Variants in CCR3 observed in about 807,000 individuals in gnomAD.
CCR3 encodes the protein C-C chemokine receptor type 3.
For synonymous variants in CCR3, 203 were observed against 179.2 expected (o/e 1.13, Z -1.06); for missense variants, 419 against 437.5 (o/e 0.96, Z 0.38).
At chr3:46,258,065 C>T (rs1700461244) in intron 1 of CCR3, among the ~76,000 whole-genome samples, 1 of 152,190 alleles carries the variant, frequency 6.6e-6, no homozygotes, top group Non-Finnish European at 1.5e-5. Flanking sequence ...TGCCTGTCAA[C>T]CCTGAAAGCA....
chr3:46,213,026 A>T (rs977308367), intron 2 of CCR3, among the ~76,000 whole-genome samples: 20 of 152,246 alleles, frequency 1.3e-4, no homozygotes, highest in Admixed American at 1.2e-3. Flanking sequence ...AAGAAAAGAA[A>T]TCATTGTTTT....
intron 2 of CCR3, among the ~76,000 whole-genome samples, chr3:46,227,420 T>A (rs1699914146): frequency 6.6e-6 from 1 of 152,170 alleles, no homozygotes; most frequent in Non-Finnish European, 1.5e-5. Flanking sequence ...TTTTCTTGAT[T>A]TTTTTGAAAA....
chr3:46,247,724 C>A (rs549243838), intron 1 of CCR3, among the ~76,000 whole-genome samples: 27 of 152,162 alleles, frequency 1.8e-4, no homozygotes, highest in African/African-American at 6.5e-4. Context: ...TAGGAAAGGC[C>A]TCTACCTATC....
At chr3:46,225,997 T>A (rs1053833191) in intron 2 of CCR3, among the ~76,000 whole-genome samples, 2 of 152,220 alleles carry the variant, frequency 1.3e-5, no homozygotes, top group African/African-American at 4.8e-5. Flanking sequence ...AGCATATTTG[T>A]GAGTCTAGTT....
intron 1 of CCR3, among the ~76,000 whole-genome samples, chr3:46,246,907 T>G (rs1444077646): frequency 1.3e-5 from 2 of 151,780 alleles, no homozygotes; most frequent in African/African-American, 4.8e-5. Flanking sequence ...AGGGAGGTCT[T>G]GTGGTAAGGG....
intron 2 of CCR3, among the ~76,000 whole-genome samples, chr3:46,225,390 G>T (rs969793818): frequency 2.0e-5 from 3 of 152,258 alleles, no homozygotes; most frequent in South Asian, 4.1e-4. Flanking sequence ...ATTGTCCATG[G>T]CATGGTGGCA....
intron 2 of CCR3, among the ~76,000 whole-genome samples, chr3:46,214,428 T>C (rs1033382885): frequency 6.6e-6 from 1 of 152,160 alleles, no homozygotes; most frequent in Non-Finnish European, 1.5e-5. Flanking sequence ...ATTGATTTTC[T>C]CTCATCTTGT....
intron 1 of CCR3, among the ~76,000 whole-genome samples, chr3:46,255,408 C>A (rs1223597521): frequency 6.6e-6 from 1 of 151,982 alleles, no homozygotes; most frequent in Non-Finnish European, 1.5e-5. Flanking sequence ...AATTAAGTCC[C>A]ATCTATTTAT....
chr3:46,244,785 G>T (rs1700160800), intron 1 of CCR3, among the ~76,000 whole-genome samples: 1 of 152,168 alleles, frequency 6.6e-6, no homozygotes, highest in South Asian at 2.1e-4. Context: ...AGTCACAGGG[G>T]ATGTGATGGC....
At position 46,251,359 on chromosome 3, in the gene CCR3, A is replaced by C. The variant is rs569432880; in HGVS notation, c.-12+8821A>C. Among the ~76,000 whole-genome samples the C allele has an allele frequency of 2.0e-5, 3 of 152,228 alleles. No homozygotes were observed. The South Asian group carries it at 6.2e-4, about 32-fold the overall frequency. Reference sequence around the variant, plus strand: ...CAGAAAATGAAAGGAATTGAAATTAAGAGAAGGGAGAGATTGAAGTGTGGC... The same window carrying C: ...CAGAAAATGAAAGGAATTGAAATTACGAGAAGGGAGAGATTGAAGTGTGGC... On this transcript the variant is annotated intron_variant, in intron 1 of 1. Coordinates refer to ENST00000395940, the MANE Select transcript of CCR3 (RefSeq NM_178329.3).
At chr3:46,234,584 C>A (rs61222471) in intron 2 of CCR3, among the ~76,000 whole-genome samples, 16,808 of 152,108 alleles carry the variant, frequency 0.11, 1,036 homozygotes, top group East Asian at 0.23. Flanking sequence ...CTTAGTCTTG[C>A]AATTGATGAG....
At chr3:46,255,165 A>G (rs1700396034) in intron 1 of CCR3, among the ~76,000 whole-genome samples, 1 of 152,096 alleles carries the variant, frequency 6.6e-6, no homozygotes, top group East Asian at 1.9e-4. Context: ...GCATTTTTTC[A>G]TATGTTCGTT....
chr3:46,216,064 C>T (rs1419744673), intron 2 of CCR3, among the ~76,000 whole-genome samples: 3 of 152,152 alleles, frequency 2.0e-5, no homozygotes, highest in African/African-American at 7.2e-5. Context: ...GGGTCCCACT[C>T]CATGGAGGAC....
chr3:46,242,982 C>CATATATATATATATATATATACACATAT lies in CCR3; in HGVS notation c.-12+466_-12+467insACATATATATATATATATATATATATAC, dbSNP rs1553644086. 1.4e-3 allele frequency among the ~76,000 whole-genome samples: 141 copies of CATATATATATATATATATATACACATAT among 99,010 alleles called. 4 individuals are homozygous for CATATATATATATATATATATACACATAT. Among genetic ancestry groups the CATATATATATATATATATATACACATAT allele is most frequent in the Middle Eastern group, 5.2e-3 (1 of 192 alleles). The allele number at this position is 99,010 out of a possible 152,430, so 65.0% of individuals were successfully genotyped here. On this transcript the variant is annotated intron_variant, in intron 1 of 1. Transcript: ENST00000395940. The stretch of plus-strand genomic sequence containing the variant: ...ATATGTGTATATATATATATATACA[C>CATATATATATATATATATATACACATAT]ATATATATATATATATATATACGCA...
intron 2 of CCR3, among the ~76,000 whole-genome samples, chr3:46,213,891 G>A (rs1045797988): frequency 2.0e-5 from 3 of 152,086 alleles, no homozygotes; most frequent in African/African-American, 4.8e-5. Context: ...AAAAATCCAT[G>A]AGCCATCATT....
intron 2 of CCR3, among the ~76,000 whole-genome samples, chr3:46,235,394 T>TG (rs1228070333): frequency 6.6e-6 from 1 of 152,206 alleles, no homozygotes; most frequent in African/African-American, 2.4e-5. Context: ...TGGTTAGCAT[T>TG]GGAGGCGCAC....
chr3:46,222,853 G>T (rs1273913143), intron 2 of CCR3, among the ~76,000 whole-genome samples: 3 of 152,224 alleles, frequency 2.0e-5, no homozygotes, highest in Non-Finnish European at 2.9e-5. Context: ...TTCAGCCGAT[G>T]GGAGCTACGT....
At chr3:46,233,386 C>T (rs1699989466) in intron 2 of CCR3, among the ~76,000 whole-genome samples, 1 of 152,198 alleles carries the variant, frequency 6.6e-6, no homozygotes, top group Non-Finnish European at 1.5e-5. Flanking sequence ...GCAATCGTTT[C>T]CGTTCACATG....
chr3:46,263,999 GGA>G (rs1700573361), intron 1 of CCR3: 1 of 179,974 alleles, frequency 5.6e-6, no homozygotes, highest in Non-Finnish European at 1.2e-5. Flanking sequence ...CTCCTAGAAA[GGA>G]GAAAGTCAGT....
Sources: allele counts gnomAD v4.1 joint callset (sites outside exome capture counted in the v4.1 genomes callset), GRCh38; gene constraint gnomAD v4.1.1; transcripts MANE v1.5; gene names NCBI Gene and HGNC (gene_info 2026-07-23, HGNC 2026-07-21).